EYS: variants seen among roughly 807,000 people sequenced by gnomAD.
EYS encodes EGF-like photoreceptor maintenance factor.
Under a neutral mutation model 282.1 loss-of-function variants are expected in EYS, and 250 were observed. The ratio of observed to expected loss-of-function variants is 0.89; its 90% CI spans 0.80 to 0.98. The LOEUF (loss-of-function observed/expected upper bound fraction) is 0.98. Ranked by LOEUF, EYS falls within the 50% of genes least tolerant of loss-of-function variation. EYS has a pLI of 0.00. For synonymous variants in EYS, 1,355 were observed against 1,282.9 expected (o/e 1.06, Z -1.20); for missense variants, 4,016 against 3,709.0 (o/e 1.08, Z -2.15).
At chr6:64,080,486 T>C (rs1405892623) in intron 32 of EYS, among the ~76,000 whole-genome samples, 1 of 152,086 alleles carries the variant, frequency 6.6e-6, no homozygotes, top group Non-Finnish European at 1.5e-5. Context: ...ATTGCAAAAA[T>C]TTTCTCCCAT....
At chr6:63,850,478 G>A (rs1447852326) in intron 36 of EYS, among the ~76,000 whole-genome samples, 2 of 152,176 alleles carry the variant, frequency 1.3e-5, no homozygotes, top group Admixed American at 1.3e-4. Flanking sequence ...AACAGTGGAT[G>A]TCTCTGCAGA....
chr6:65,402,110 A>T (rs1766530540), intron 7 of EYS, among the ~76,000 whole-genome samples: 1 of 151,798 alleles, frequency 6.6e-6, no homozygotes, highest in African/African-American at 2.4e-5. Context: ...CTATTATTTT[A>T]AAATATTTCA....
intron 12 of EYS, among the ~76,000 whole-genome samples, chr6:65,261,251 T>G (rs1482612820): frequency 1.3e-5 from 2 of 151,920 alleles, no homozygotes; most frequent in Non-Finnish European, 2.9e-5. Flanking sequence ...AAAGGACATA[T>G]ATAATATGTA....
chr6:64,655,772 C>G (rs1409589340), intron 22 of EYS, among the ~76,000 whole-genome samples: 1 of 151,984 alleles, frequency 6.6e-6, no homozygotes, highest in Non-Finnish European at 1.5e-5. Flanking sequence ...ATCTATCATA[C>G]AGCTCTTACT....
intron 31 of EYS, among the ~76,000 whole-genome samples, chr6:64,141,711 T>C (rs1562221927): frequency 1.3e-5 from 2 of 152,188 alleles, no homozygotes; most frequent in Non-Finnish European, 2.9e-5. Context: ...GTTAGCATGA[T>C]CTATAGCCTA....
chr6:64,466,694 TAAC>T (rs1380197268), intron 26 of EYS, among the ~76,000 whole-genome samples: 9 of 152,134 alleles, frequency 5.9e-5, no homozygotes, highest in African/African-American at 2.4e-5. Flanking sequence ...CTCTAGTTAA[TAAC>T]AATATATTAA....
chr6:63,795,321 G>C (rs1264125417), intron 37 of EYS, among the ~76,000 whole-genome samples: 1 of 152,168 alleles, frequency 6.6e-6, no homozygotes, highest in Non-Finnish European at 1.5e-5. Context: ...ATTTAGTCTA[G>C]GTGAAGAAGT....
chr6:65,535,273 T>C (rs1374101538), intron 2 of EYS, among the ~76,000 whole-genome samples: 1 of 152,142 alleles, frequency 6.6e-6, no homozygotes, highest in African/African-American at 2.4e-5. Flanking sequence ...GTGTCCCCAC[T>C]CAAATTTCAT....
intron 35 of EYS, among the ~76,000 whole-genome samples, chr6:63,878,798 G>A (rs1773049816): frequency 6.6e-6 from 1 of 152,198 alleles, no homozygotes; most frequent in African/African-American, 2.4e-5. Context: ...ATAATCTCCT[G>A]GTGTGCCATT....
intron 12 of EYS, among the ~76,000 whole-genome samples, chr6:65,079,307 A>T (rs1048556646): frequency 6.6e-6 from 1 of 152,094 alleles, no homozygotes; most frequent in Non-Finnish European, 1.5e-5. Flanking sequence ...TGCAAGAGGA[A>T]CTGAATTTTT....
intron 28 of EYS, among the ~76,000 whole-genome samples, chr6:64,427,904 T>C (rs1774457841): frequency 6.6e-6 from 1 of 152,138 alleles, no homozygotes; most frequent in South Asian, 2.1e-4. Context: ...GAAATAATGA[T>C]TATTCTAAAT....
rs145179750 is a variant in EYS at position 64,882,892 on chromosome 6, A to G, written c.2992+3805T>C. Among the ~76,000 whole-genome samples the G allele has an allele frequency of 3.4e-3, 522 of 151,696 alleles. 2 individuals are homozygous for G. Among genetic ancestry groups the G allele is most frequent in the Non-Finnish European group, 4.2e-3 (283 of 67,684 alleles). Reference sequence around the variant, plus strand: ...CCTCAGACGAACTGATAATTAAATCAGAATTTCACAAAACTATAAGTTCAG... The same window carrying G: ...CCTCAGACGAACTGATAATTAAATCGGAATTTCACAAAACTATAAGTTCAG... On this transcript the variant is annotated intron_variant, in intron 19 of 42. Coordinates refer to ENST00000503581, the MANE Select transcript of EYS (RefSeq NM_001142800.2).
intron 14 of EYS, among the ~76,000 whole-genome samples, chr6:64,993,695 G>A (rs1771153233): frequency 6.6e-6 from 1 of 150,466 alleles, no homozygotes; most frequent in Non-Finnish European, 1.5e-5. Flanking sequence ...CCTGCACGTT[G>A]TGCACATGTA....
intron 22 of EYS, among the ~76,000 whole-genome samples, chr6:64,701,685 A>T (rs1770796386): frequency 6.6e-6 from 1 of 152,068 alleles, no homozygotes; most frequent in Admixed American, 6.5e-5. Flanking sequence ...TAGACACTGG[A>T]GTCTCAGAAG....
chr6:64,024,281 G>A (rs1000539037), intron 33 of EYS, among the ~76,000 whole-genome samples: 1 of 152,130 alleles, frequency 6.6e-6, no homozygotes, highest in African/African-American at 2.4e-5. Flanking sequence ...GTCTAGCTCA[G>A]GGTTTGTGAA....
At chr6:65,015,114 C>T (rs1771999729) in intron 13 of EYS, among the ~76,000 whole-genome samples, 1 of 152,126 alleles carries the variant, frequency 6.6e-6, no homozygotes, top group Non-Finnish European at 1.5e-5. Flanking sequence ...GCAATACCTA[C>T]CTCATTTTAG....
intron 26 of EYS, among the ~76,000 whole-genome samples, chr6:64,449,368 C>G (rs1407154053): frequency 6.6e-6 from 1 of 152,122 alleles, no homozygotes; most frequent in African/African-American, 2.4e-5. Context: ...AAAAGACCAA[C>G]TCTACGTCTC....
At chr6:65,518,676 A>G (rs1767232085) in intron 2 of EYS, among the ~76,000 whole-genome samples, 1 of 152,190 alleles carries the variant, frequency 6.6e-6, no homozygotes, top group Non-Finnish European at 1.5e-5. Context: ...AGTGTATATT[A>G]GTAGGTTCTC....
intron 36 of EYS, among the ~76,000 whole-genome samples, chr6:63,812,313 G>A (rs1321123617): frequency 2.0e-5 from 3 of 152,102 alleles, no homozygotes; most frequent in African/African-American, 7.2e-5. Context: ...CCCAAAAGCT[G>A]CATGGCCTGC....
Sources: allele counts gnomAD v4.1 joint callset (sites outside exome capture counted in the v4.1 genomes callset), GRCh38; gene constraint gnomAD v4.1.1; transcripts MANE v1.5; gene names NCBI Gene and HGNC (gene_info 2026-07-23, HGNC 2026-07-21).